Variants in AGBL4 observed in about 807,000 individuals in gnomAD.
The protein encoded by AGBL4 is AGBL carboxypeptidase 4, also known as cytosolic carboxypeptidase 6.
In AGBL4, 58 loss-of-function variants were observed where a neutral mutation model predicts 66.4. The ratio of observed to expected loss-of-function variants is 0.87; its 90% CI spans 0.71 to 1.09. The LOEUF (loss-of-function observed/expected upper bound fraction) is 1.09, where lower values mean the gene tolerates loss of function less well. Ranked by LOEUF, AGBL4 falls within the 50% of genes least tolerant of loss-of-function variation. The probability of loss-of-function intolerance (pLI) is 0.00; values close to 1 mark genes in which losing one functional copy is unlikely to be tolerated. For synonymous variants in AGBL4, 234 were observed against 222.9 expected (o/e 1.05, Z -0.44); for missense variants, 579 against 631.0 (o/e 0.92, Z 0.88).
At chr1:48,620,727 C>T (rs962965824) in intron 9 of AGBL4, among the ~76,000 whole-genome samples, 1 of 152,122 alleles carries the variant, frequency 6.6e-6, no homozygotes, top group African/African-American at 2.4e-5. Context: ...TTGTATATTA[C>T]TAGGTTTGAG....
At chr1:48,646,044 G>A (rs978076359) in intron 8 of AGBL4, among the ~76,000 whole-genome samples, 1 of 152,142 alleles carries the variant, frequency 6.6e-6, no homozygotes, top group Non-Finnish European at 1.5e-5. Context: ...ATCCTTCAGA[G>A]GGCGAGGCAG....
intron 9 of AGBL4, among the ~76,000 whole-genome samples, chr1:48,628,558 G>A (rs1645541867): frequency 6.6e-6 from 1 of 152,032 alleles, no homozygotes; most frequent in Non-Finnish European, 1.5e-5. Flanking sequence ...CAAATGCCTT[G>A]GGGCAGTGTT....
At chr1:49,303,037 C>T (rs181639330) in intron 3 of AGBL4, among the ~76,000 whole-genome samples, 7 of 152,152 alleles carry the variant, frequency 4.6e-5, no homozygotes, top group East Asian at 3.9e-4. Context: ...TATATATGTA[C>T]CACATTTTCT....
chr1:48,739,388 C>T (rs960609955), intron 6 of AGBL4, among the ~76,000 whole-genome samples: 1 of 152,236 alleles, frequency 6.6e-6, no homozygotes, highest in African/African-American at 2.4e-5. Flanking sequence ...TTTAATCCAA[C>T]TTCCTCAGCC....
At chr1:48,981,585 A>G (rs931741816) in intron 5 of AGBL4, among the ~76,000 whole-genome samples, 4 of 152,184 alleles carry the variant, frequency 2.6e-5, no homozygotes, top group African/African-American at 9.7e-5. Flanking sequence ...GATAGATGCA[A>G]TAATAAAAAG....
chr1:48,835,207 G>A (rs896168977), intron 6 of AGBL4, among the ~76,000 whole-genome samples: 1 of 152,138 alleles, frequency 6.6e-6, no homozygotes, highest in Non-Finnish European at 1.5e-5. Context: ...AGATGAGGGA[G>A]TCAGTCTACC....
intron 5 of AGBL4, among the ~76,000 whole-genome samples, chr1:48,923,123 T>C (rs1654235646): frequency 6.6e-6 from 1 of 151,692 alleles, no homozygotes; most frequent in Non-Finnish European, 1.5e-5. Context: ...TATTGTATTA[T>C]ACATATGTAT....
intron 4 of AGBL4, among the ~76,000 whole-genome samples, chr1:49,161,805 T>C (rs1646547323): frequency 6.6e-6 from 1 of 152,130 alleles, no homozygotes; most frequent in Admixed American, 6.5e-5. Flanking sequence ...GTTCCAACCA[T>C]AGCTTCTAAG....
At chr1:48,910,180 A>C (rs1354054705) in intron 5 of AGBL4, among the ~76,000 whole-genome samples, 1 of 152,238 alleles carries the variant, frequency 6.6e-6, no homozygotes, top group African/African-American at 2.4e-5. Context: ...TCTGGATTCC[A>C]CACAGATGAG....
chr1:49,058,326 T>C (rs1644342445), intron 4 of AGBL4, among the ~76,000 whole-genome samples: 1 of 152,152 alleles, frequency 6.6e-6, no homozygotes, highest in Non-Finnish European at 1.5e-5. Flanking sequence ...GTTACCCCCA[T>C]GCTGCTGTTC....
intron 6 of AGBL4, among the ~76,000 whole-genome samples, chr1:48,738,625 C>T (rs1464836317): frequency 6.6e-6 from 1 of 152,210 alleles, no homozygotes; most frequent in East Asian, 1.9e-4. Context: ...CTTTGAATTA[C>T]ATTAAATTCT....
At chr1:49,712,491 A>G (rs957700488) in intron 2 of AGBL4, among the ~76,000 whole-genome samples, 1 of 151,840 alleles carries the variant, frequency 6.6e-6, no homozygotes, top group African/African-American at 2.4e-5. Context: ...CAAAAATATA[A>G]AAAGTTGCAG....
intron 1 of AGBL4, among the ~76,000 whole-genome samples, chr1:49,997,702 T>C (rs1049119853): frequency 1.3e-5 from 2 of 152,044 alleles, no homozygotes; most frequent in African/African-American, 4.8e-5. Flanking sequence ...CTAGAACAAA[T>C]GGACTTAACA....
intron 2 of AGBL4, among the ~76,000 whole-genome samples, chr1:49,833,604 A>G (rs1225898735): frequency 4.6e-5 from 7 of 152,048 alleles, no homozygotes; most frequent in African/African-American, 1.7e-4. Flanking sequence ...TTTTCACGAT[A>G]TTGATTCTTC....
At chr1:48,541,491 G>A (rs1456755914) in intron 11 of AGBL4, among the ~76,000 whole-genome samples, 1 of 152,196 alleles carries the variant, frequency 6.6e-6, no homozygotes, top group Non-Finnish European at 1.5e-5. Flanking sequence ...ATAATAGCTG[G>A]GTGGGTGCAG....
chr1:49,132,896 C>T (rs898827608), intron 4 of AGBL4, among the ~76,000 whole-genome samples: 14 of 152,150 alleles, frequency 9.2e-5, no homozygotes, highest in Non-Finnish European at 1.8e-4. Context: ...TGGGAATATA[C>T]CGAAAGGATT....
chr1:49,120,241 C>A (rs1645624120), intron 4 of AGBL4, among the ~76,000 whole-genome samples: 1 of 152,000 alleles, frequency 6.6e-6, no homozygotes, highest in Admixed American at 6.6e-5. Context: ...TTATTTTGCC[C>A]GTTAATTGAT....
At chr1:49,347,093 A>C (rs1645645915) in intron 3 of AGBL4, among the ~76,000 whole-genome samples, 1 of 152,164 alleles carries the variant, frequency 6.6e-6, no homozygotes. Context: ...AGTTACACAA[A>C]GATTAACAAT....
chr1:49,675,965 C>T (rs1646570880), intron 3 of AGBL4, among the ~76,000 whole-genome samples: 1 of 151,966 alleles, frequency 6.6e-6, no homozygotes, highest in Non-Finnish European at 1.5e-5. Context: ...GAGAGTAGTG[C>T]CGATAAAAAT....
Sources: allele counts gnomAD v4.1 joint callset (sites outside exome capture counted in the v4.1 genomes callset), GRCh38; gene constraint gnomAD v4.1.1; transcripts MANE v1.5; gene names NCBI Gene and HGNC (gene_info 2026-07-23, HGNC 2026-07-21).